The following MRPL44 variants were observed in gnomAD, a reference collection of about 807,000 sequenced individuals.
The protein encoded by MRPL44 is large ribosomal subunit protein mL44.
A neutral mutation model predicts 25.9 loss-of-function variants in MRPL44; 21 were observed. That is an observed-to-expected ratio of 0.81 (90% CI 0.58 to 1.17). The LOEUF is 1.17. MRPL44 is among the 50% of genes most tolerant of loss of function. The pLI is 0.00. For synonymous variants in MRPL44, 169 were observed against 151.0 expected, an observed-to-expected ratio of 1.12 and a Z score of -0.87; for missense variants, 410 against 398.9, an observed-to-expected ratio of 1.03 and a Z score of -0.24.
chr2:223,953,190 A>G (rs1689515090), upstream of MRPL44, among the ~76,000 whole-genome samples: 1 of 147,494 alleles, frequency 6.8e-6, no homozygotes, highest in East Asian at 2.0e-4. Flanking sequence ...GCTCGAGTGC[A>G]GTGGTGCTAT....
intron 2 of MRPL44, among the ~76,000 whole-genome samples, chr2:223,961,668 G>A (rs1426505727): frequency 6.6e-6 from 1 of 152,124 alleles, no homozygotes; most frequent in Non-Finnish European, 1.5e-5. Flanking sequence ...CTAAGTGGGA[G>A]GTTTTTAATG....
intron 2 of MRPL44, 102 bp downstream of exon 2, chr2:223,960,104 C>A: frequency 1.0e-6 from 1 of 959,354 alleles, no homozygotes; most frequent in Non-Finnish European, 1.5e-6. Context: ...AATTTTTCTC[C>A]CAAGAAAAAC....
At chr2:223,966,827 C>T (rs1343413534) in intron 3 of MRPL44, 36 bp from the exon 4 acceptor site, 1 of 1,577,976 alleles carries the variant, frequency 6.3e-7, no homozygotes, top group South Asian at 1.1e-5. Flanking sequence ...TACAATATTC[C>T]ATGTAATTTA....
intron 2 of MRPL44, among the ~76,000 whole-genome samples, chr2:223,962,317 C>G (rs939030749): frequency 6.6e-6 from 1 of 152,130 alleles, no homozygotes; most frequent in Non-Finnish European, 1.5e-5. Context: ...TATCAGCCAC[C>G]ACGCCTGGCC....
chr2:223,964,473 G>A (rs1205782575), intron 3 of MRPL44, among the ~76,000 whole-genome samples: 2 of 152,172 alleles, frequency 1.3e-5, no homozygotes, highest in East Asian at 1.9e-4. Context: ...AAGATAGCTA[G>A]ATTAAAATTT....
At position 223,958,069 on chromosome 2, in the gene MRPL44, GA is replaced by G. The variant is rs534114023; in HGVS notation, c.179+425del. 1.4e-3 allele frequency among the ~76,000 whole-genome samples: 219 copies of G among 152,136 alleles called. 1 individual carries two copies. The highest frequency in any genetic ancestry group is 2.7e-3 in the Non-Finnish European group (183 of 67,956). ...TGAATTCTGCTGTCTAGAGTAAAAG[GA>G]AAAAAAGTTAGCTTTAGATTTTTGC... On this transcript the variant is annotated intron_variant, in intron 1 of 3. Transcript: ENST00000258383.
chr2:223,964,429 A>G (rs1006624997), intron 3 of MRPL44, among the ~76,000 whole-genome samples: 1 of 152,228 alleles, frequency 6.6e-6, no homozygotes, highest in African/African-American at 2.4e-5. Flanking sequence ...TCAGATGTTA[A>G]GATTAAAGTG....
chr2:223,951,478 G>GTTTTTTTTTTGTTTTGTTTT, the MRPL44 span, among the ~76,000 whole-genome samples: 1 of 112,560 alleles, frequency 8.9e-6, no homozygotes, highest in Non-Finnish European at 1.8e-5. Context: ...TTACCTTGGA[G>GTTTTTTTTTTGTTTTGTTTT]TTTTTTTTTT....
At chr2:223,957,353 G>T (rs1279050680), upstream of MRPL44, 2 of 1,325,022 alleles carry the variant, frequency 1.5e-6, no homozygotes, top group Non-Finnish European at 1.1e-6. Context: ...CCCCGCCCCG[G>T]GGGCTGTCTC....
chr2:223,955,896 G>A (rs1689556728), upstream of MRPL44, among the ~76,000 whole-genome samples: 1 of 152,142 alleles, frequency 6.6e-6, no homozygotes, highest in Non-Finnish European at 1.5e-5. Context: ...TAAAAAACTG[G>A]TTAATTCCTA....
At chr2:223,964,704 T>G (rs1232761533) in intron 3 of MRPL44, among the ~76,000 whole-genome samples, 1 of 152,208 alleles carries the variant, frequency 6.6e-6, no homozygotes, top group Non-Finnish European at 1.5e-5. Flanking sequence ...ATGTACCATA[T>G]TTCTGTGAAT....
chr2:223,959,574 G>A lies in MRPL44; in HGVS notation c.220G>A (p.Ala74Thr). Residue 74 changes from alanine to threonine, a missense_variant, in exon 2 of 4, where the codon GCT becomes ACT. Coordinates refer to ENST00000258383, the MANE Select transcript of MRPL44 (RefSeq NM_022915.5). ...CTGGGATTACCATGCAGAAATACAA[G>A]CTTTTGGACATCGGTTACAGGAAAA... is the stretch of plus-strand genomic sequence containing the variant. ...PNWDYHAEIQ[A>T]FGHRLQENFS... The A allele has an allele frequency of 6.2e-7, 1 of 1,613,316 alleles. No individual in the cohort carries two copies. The highest frequency in any genetic ancestry group is 1.7e-4 in the Middle Eastern group (1 of 6,046).
rs1295845335 is a variant in MRPL44 at position 223,957,640 on chromosome 2, G to A, written c.168G>A (p.Pro56=). 7.5e-6 allele frequency: 12 copies of A among 1,607,148 alleles called. No individual in the cohort carries two copies. The highest frequency in any genetic ancestry group is 9.3e-6 in the Non-Finnish European group (11 of 1,179,406). The change falls in exon 1 of 4, where the codon CCG becomes CCA. Residue 56 remains proline, a synonymous_variant. Transcript: ENST00000258383. ...ERQRLLRCPP[P]PVRRSEKPNW... is the part of the protein sequence containing the mutation. ...AGCGCCTTCTGCGGTGCCCGCCGCC[G>A]CCCGTGCGCCGGTAGGAGCCACCTC...
At position 223,959,539 on chromosome 2, in the gene MRPL44, A is replaced by T; in HGVS notation, c.185A>T (p.Glu62Val). The T allele has an allele frequency of 6.2e-7, 1 of 1,603,766 alleles. No homozygotes were observed. Among genetic ancestry groups the T allele is most frequent in the Non-Finnish European group, 8.5e-7 (1 of 1,175,594 alleles). Residue 62 changes from glutamate (E) to valine (V), a missense_variant, in exon 2 of 4, where the codon GAG (glutamate) becomes GTG (valine). Physicochemically the swap from Glu to Val is moderately radical, Grantham distance 121 (BLOSUM62 -2). Coordinates refer to ENST00000258383, the MANE Select transcript of MRPL44 (RefSeq NM_022915.5). ...RCPPPPVRRS[E>V]KPNWDYHAEI... ...TACTGTCTTTACATTTTCAGTTCAG[A>T]GAAGCCGAACTGGGATTACCATGCA...
At position 223,959,838 on chromosome 2, in the gene MRPL44, GGTGAGGAAGTC is replaced by G. The variant is rs763210467; in HGVS notation, c.488_498del (p.Glu163ValfsTer5). 9 of 1,614,164 alleles carry G rather than the reference GGTGAGGAAGTC, an allele frequency of 5.6e-6. No homozygotes were observed. Among genetic ancestry groups the G allele is most frequent in the Non-Finnish European group, 6.8e-6 (8 of 1,180,026 alleles). ...AAAAAATCTTGTTGACTTTCTCACT[GGTGAGGAAGTC>G]GTGTGTCACGTGGCTAGAAACTTGG... On this transcript the variant is annotated frameshift_variant, in exon 2 of 4. Coordinates refer to ENST00000258383, the MANE Select transcript of MRPL44 (RefSeq NM_022915.5). LOFTEE classifies it high-confidence loss of function.
At position 223,959,837 on chromosome 2, in the gene MRPL44, TGGTGAG is replaced by T; in HGVS notation, c.485_490del (p.Gly162_Glu163del). 1 of 1,614,176 alleles carries T rather than the reference TGGTGAG, an allele frequency of 6.2e-7. No individual in the cohort carries two copies. The highest frequency in any genetic ancestry group is 8.5e-7 in the Non-Finnish European group (1 of 1,180,026). ...TAAAAAATCTTGTTGACTTTCTCAC[TGGTGAG>T]GAAGTCGTGTGTCACGTGGCTAGAA... is the stretch of plus-strand genomic sequence containing the variant. On this transcript the variant is annotated inframe_deletion, in exon 2 of 4. Transcript: ENST00000258383.
chr2:223,959,508 A>G (rs923519910), intron 1 of MRPL44, 26 bp from the exon 2 acceptor site: 1 of 1,545,520 alleles, frequency 6.5e-7, no homozygotes, highest in Non-Finnish European at 8.8e-7. Flanking sequence ...TCTCTTTACC[A>G]TCTCTTACTG....
In MRPL44 at chr2:223,957,522, T is replaced by G; in HGVS notation, c.50T>G (p.Leu17Arg). ...RLLQQGHRCLLAPVAPKLVPP... is the reference protein window; with the variant it reads ...RLLQQGHRCLRAPVAPKLVPP... ...CTGCAGCAGGGACATCGCTGCCTCCTGGCTCCAGTCGCCCCCAAGCTGGTC... is the reference window on the plus strand; with the variant it reads ...CTGCAGCAGGGACATCGCTGCCTCCGGGCTCCAGTCGCCCCCAAGCTGGTC... The change falls in exon 1 of 4, where the codon CTG becomes CGG. Residue 17 changes from leucine (L) to arginine (R), a missense_variant. By Grantham distance (102) the Leu-to-Arg change is moderately radical (BLOSUM62 -2). Transcript: ENST00000258383. 1 of 1,614,126 alleles carries G rather than the reference T, an allele frequency of 6.2e-7. No individual in the cohort carries two copies.
intron 2 of MRPL44, among the ~76,000 whole-genome samples, chr2:223,962,999 G>A (rs555036101): frequency 1.3e-4 from 20 of 152,148 alleles, no homozygotes; most frequent in Non-Finnish European, 2.8e-4. Flanking sequence ...ACCTCACCTG[G>A]CAGAGTTTTT....
Sources: gnomAD v4.1 joint callset for allele counts (sites outside exome capture counted in the v4.1 genomes callset) on GRCh38, gnomAD v4.1.1 for gene constraint, MANE v1.5 for transcripts, NCBI Gene and HGNC (gene_info 2026-07-23, HGNC 2026-07-21) for gene names.